TEAD1: variants seen among roughly 807,000 people sequenced by gnomAD.
TEAD1 encodes TEA domain transcription factor 1.
TEAD1 carries 9 observed loss-of-function variants against 54.9 expected under a neutral mutation model. The observed-to-expected ratio is 0.16, with a 90% CI of 0.10 to 0.29. The LOEUF (loss-of-function observed/expected upper bound fraction) is 0.29, where lower values mean the gene tolerates loss of function less well. Ranked by LOEUF, TEAD1 falls within the 10% of genes least tolerant of loss-of-function variation. The pLI is 1.00. For synonymous variants in TEAD1, 200 were observed against 187.8 expected (o/e 1.07, Z -0.53); for missense variants, 387 against 535.9 (o/e 0.72, Z 2.74).
At chr11:12,688,706 G>A (rs1190524655) in intron 2 of TEAD1, among the ~76,000 whole-genome samples, 2 of 152,108 alleles carry the variant, frequency 1.3e-5, no homozygotes, top group African/African-American at 4.8e-5. Context: ...ACTCTATCTC[G>A]GCTTCTTGTT....
chr11:12,802,576 C>G (rs1314274056), intron 3 of TEAD1, among the ~76,000 whole-genome samples: 2 of 152,184 alleles, frequency 1.3e-5, no homozygotes, highest in East Asian at 3.9e-4. Context: ...AGGGGCCTTG[C>G]TTCCTGTGAA....
intron 11 of TEAD1, 135 bp from the exon 12 acceptor site, chr11:12,930,039 A>T: frequency 1.1e-6 from 1 of 919,012 alleles, no homozygotes; most frequent in Admixed American, 2.2e-5. Flanking sequence ...TTAATTAAGT[A>T]GATTACGTAA....
At chr11:12,831,548 T>C (rs1385129666) in intron 3 of TEAD1, among the ~76,000 whole-genome samples, 1 of 152,146 alleles carries the variant, frequency 6.6e-6, no homozygotes, top group African/African-American at 2.4e-5. Flanking sequence ...TTGTTGTGTT[T>C]TTTGTTTGTT....
intron 5 of TEAD1, 49 bp downstream of exon 5, chr11:12,864,949 C>A (rs1365880192): frequency 6.2e-7 from 1 of 1,600,504 alleles, no homozygotes; most frequent in East Asian, 2.2e-5. Context: ...CATCTCACTT[C>A]CTGTTTTCCA....
intron 3 of TEAD1, among the ~76,000 whole-genome samples, chr11:12,837,709 C>CTTCTCCCTTCTCCT (rs1554940167): frequency 0.01 from 1,490 of 146,576 alleles, 15 homozygotes; most frequent in Middle Eastern, 0.045. Flanking sequence ...TCCCTTCTCC[C>CTTCTCCCTTCTCCT]TTCTCCTTCT....
intron 3 of TEAD1, among the ~76,000 whole-genome samples, chr11:12,855,573 C>G (rs1772596739): frequency 6.6e-6 from 1 of 151,742 alleles, no homozygotes; most frequent in African/African-American, 2.4e-5. Flanking sequence ...CAGGCATGAG[C>G]CATTGCGCCT....
chr11:12,872,612 G>C (rs1228793936), intron 5 of TEAD1, among the ~76,000 whole-genome samples: 1 of 152,208 alleles, frequency 6.6e-6, no homozygotes, highest in East Asian at 1.9e-4. Context: ...TGAATATGTA[G>C]ATAAAGATAA....
At chr11:12,881,075 C>CT in intron 7 of TEAD1, 24 bp downstream of exon 7, 2 of 1,613,792 alleles carry the variant, frequency 1.2e-6, no homozygotes, top group Non-Finnish European at 1.7e-6. Flanking sequence ...GGGGTGGGCA[C>CT]TGACAACTAC....
At chr11:12,821,418 AT>A (rs1946543013) in intron 3 of TEAD1, among the ~76,000 whole-genome samples, 1 of 152,228 alleles carries the variant, frequency 6.6e-6, no homozygotes, top group Admixed American at 6.5e-5. Flanking sequence ...AGGTGAAAGC[AT>A]TTAGAAATGG....
rs973973203 is a variant in TEAD1 at position 12,938,983 on chromosome 11, C to T, written c.*1761C>T. ...TTACACACCCCCTTCCCTGTCTCAA[C>T]ACCTGCTTTGACCCTGCTTTTCTAT... On this transcript the variant is annotated 3_prime_UTR_variant, in exon 13 of 13. Transcript: ENST00000527636. The T allele has an allele frequency of 1.3e-5, 2 of 152,252 alleles. No individual in the cohort carries two copies. Among genetic ancestry groups the T allele is most frequent in the African/African-American group, 2.4e-5 (1 of 41,474 alleles). 9.4% of individuals were successfully genotyped at this position (152,252 alleles called of 1,614,324 possible). A position where few individuals can be genotyped will look rare whatever the true frequency, so the allele number is the denominator to read the frequency against.
intron 10 of TEAD1, among the ~76,000 whole-genome samples, chr11:12,903,598 T>G (rs957048024): frequency 6.6e-6 from 1 of 152,194 alleles, no homozygotes. Context: ...GGGTATTACA[T>G]GAGCTCAGGA....
chr11:12,885,695 C>T (rs539974898), intron 9 of TEAD1, among the ~76,000 whole-genome samples: 1 of 152,276 alleles, frequency 6.6e-6, no homozygotes, highest in South Asian at 2.1e-4. Context: ...TATAAAAATT[C>T]TCTTTTTTTA....
intron 3 of TEAD1, among the ~76,000 whole-genome samples, chr11:12,794,626 C>T (rs1293496350): frequency 6.6e-6 from 1 of 152,194 alleles, no homozygotes; most frequent in Non-Finnish European, 1.5e-5. Context: ...CTGCCGGAGG[C>T]CTTCCTGTCA....
At chr11:12,856,124 T>C (rs1021785154) in intron 3 of TEAD1, among the ~76,000 whole-genome samples, 5 of 123,370 alleles carry the variant, frequency 4.1e-5, no homozygotes, top group Admixed American at 4.0e-4. Context: ...CTGGGTTATC[T>C]TCTTCCTTTT....
At chr11:12,745,591 T>G (rs1944731258) in intron 2 of TEAD1, among the ~76,000 whole-genome samples, 1 of 151,458 alleles carries the variant, frequency 6.6e-6, no homozygotes, top group African/African-American at 2.4e-5. Flanking sequence ...TAAGGGGTTT[T>G]TTTTTTTTTT....
At chr11:12,789,814 G>C (rs57495325) in intron 3 of TEAD1, among the ~76,000 whole-genome samples, 1 of 152,184 alleles carries the variant, frequency 6.6e-6, no homozygotes. Flanking sequence ...GCATTGCTCC[G>C]AGTTGGGCCT....
chr11:12,772,624 T>G (rs1316213707), intron 3 of TEAD1, among the ~76,000 whole-genome samples: 1 of 152,170 alleles, frequency 6.6e-6, no homozygotes, highest in Non-Finnish European at 1.5e-5. Flanking sequence ...TTATTTGAAA[T>G]TTTTGTTGAG....
chr11:12,869,322 C>G (rs1033537944), intron 5 of TEAD1, among the ~76,000 whole-genome samples: 1 of 152,172 alleles, frequency 6.6e-6, no homozygotes, highest in Non-Finnish European at 1.5e-5. Context: ...CAGGGGCCAA[C>G]CCACACCCCC....
chr11:12,854,906 T>C (rs1337477688), intron 3 of TEAD1, among the ~76,000 whole-genome samples: 3 of 151,954 alleles, frequency 2.0e-5, no homozygotes, highest in African/African-American at 7.3e-5. Context: ...TGAGATGGCA[T>C]CTTTTTACCC....
Sources: allele counts gnomAD v4.1 joint callset (sites outside exome capture counted in the v4.1 genomes callset), GRCh38; gene constraint gnomAD v4.1.1; transcripts MANE v1.5; gene names NCBI Gene and HGNC (gene_info 2026-07-23, HGNC 2026-07-21).